The following PKNOX2 variants were observed in gnomAD, a reference collection of about 807,000 sequenced individuals.
PKNOX2 encodes PBX/knotted 1 homeobox 2.
A neutral mutation model predicts 53.1 loss-of-function variants in PKNOX2; 14 were observed. The ratio of observed to expected loss-of-function variants is 0.26; its 90% CI spans 0.17 to 0.41. The LOEUF is 0.41. Ranked by LOEUF, PKNOX2 falls within the 10% of genes least tolerant of loss-of-function variation. The pLI is 1.00. For missense variants in PKNOX2, 496 were observed against 602.8 expected (o/e 0.82, Z 1.85); for synonymous variants, 257 against 242.8 (o/e 1.06, Z -0.54).
intron 4 of PKNOX2, among the ~76,000 whole-genome samples, 185 bp downstream of exon 4, chr11:125,351,577 C>A (rs1457313182): frequency 1.3e-5 from 2 of 152,138 alleles, no homozygotes; most frequent in Non-Finnish European, 2.9e-5. Flanking sequence ...CAAACACAGA[C>A]CCCGAGGGCA....
intron 10 of PKNOX2, among the ~76,000 whole-genome samples, chr11:125,419,329 G>C (rs561178054): frequency 6.6e-6 from 1 of 151,612 alleles, no homozygotes; most frequent in African/African-American, 2.4e-5. Flanking sequence ...CACCGCTACT[G>C]CTACAAATGC....
At chr11:125,423,962 CAG>C (rs1956289173) in intron 10 of PKNOX2, among the ~76,000 whole-genome samples, 1 of 152,182 alleles carries the variant, frequency 6.6e-6, no homozygotes, top group Non-Finnish European at 1.5e-5. Flanking sequence ...TACAGTTAAA[CAG>C]AGCCAGCATG....
chr11:125,377,405 A>G (rs1367433504), intron 5 of PKNOX2, among the ~76,000 whole-genome samples: 2 of 152,340 alleles, frequency 1.3e-5, no homozygotes, highest in Middle Eastern at 3.4e-3. Flanking sequence ...CACAGAAGGC[A>G]TGTTGGCCTG....
At chr11:125,334,446 G>T (rs779072790) in intron 3 of PKNOX2, among the ~76,000 whole-genome samples, 2 of 152,192 alleles carry the variant, frequency 1.3e-5, no homozygotes, top group Non-Finnish European at 2.9e-5. Context: ...CCTCTTCTCA[G>T]TTGGTGAACA....
chr11:125,250,173 C>T (rs1943890393), intron 2 of PKNOX2, among the ~76,000 whole-genome samples: 2 of 151,884 alleles, frequency 1.3e-5, no homozygotes, highest in African/African-American at 4.8e-5. Context: ...ACCTCAACCT[C>T]CTGAGTAGCT....
intron 1 of PKNOX2, among the ~76,000 whole-genome samples, chr11:125,178,242 T>G (rs1408882188): frequency 2.0e-5 from 3 of 151,292 alleles, no homozygotes; most frequent in Admixed American, 6.6e-5. Context: ...GGGCACGTGG[T>G]GGCTTATGCC....
At chr11:125,411,667 G>A (rs1955558519) in intron 9 of PKNOX2, 79 bp from the exon 10 acceptor site, 2 of 1,608,158 alleles carry the variant, frequency 1.2e-6, no homozygotes, top group Admixed American at 1.7e-5. Flanking sequence ...AGCCAAGCCT[G>A]CCGTCGCTAT....
At chr11:125,281,492 C>T (rs780734842) in intron 2 of PKNOX2, among the ~76,000 whole-genome samples, 121 of 152,178 alleles carry the variant, frequency 8.0e-4, no homozygotes, top group Non-Finnish European at 1.9e-4. Flanking sequence ...CTGGCTGCCA[C>T]TTACCCGTTG....
chr11:125,217,249 C>T (rs576041554), intron 1 of PKNOX2, among the ~76,000 whole-genome samples: 1 of 152,316 alleles, frequency 6.6e-6, no homozygotes, highest in Admixed American at 6.5e-5. Flanking sequence ...CTGGATCTCT[C>T]TCCTTCCACA....
chr11:125,273,330 C>T (rs960152241), intron 2 of PKNOX2, among the ~76,000 whole-genome samples: 2 of 152,058 alleles, frequency 1.3e-5, no homozygotes, highest in African/African-American at 4.8e-5. Context: ...AAAAGGCAGG[C>T]GGCAAAACAA....
rs146172401 is a variant in PKNOX2, at chr11:125,341,080, G to A, written c.-23+9155G>A. 1.5e-3 allele frequency among the ~76,000 whole-genome samples: 218 copies of A among 146,688 alleles called. 2 individuals carry two copies. The East Asian group carries it at 0.029, about 19-fold the overall frequency. On this transcript the variant is annotated intron_variant, in intron 3 of 12. Coordinates refer to ENST00000298282, the MANE Select transcript of PKNOX2 (RefSeq NM_001382323.2). Reference sequence around the variant, plus strand: ...AAAAAAAAAAAAAAAAAAGTAAGCCGGCCAGGCACAGTGACTAATGTCTAT... The same window carrying A: ...AAAAAAAAAAAAAAAAAAGTAAGCCAGCCAGGCACAGTGACTAATGTCTAT...
chr11:125,392,884 C>T (rs576995703), intron 6 of PKNOX2, among the ~76,000 whole-genome samples: 2 of 152,070 alleles, frequency 1.3e-5, no homozygotes, highest in East Asian at 1.9e-4. Context: ...TTTGGCCGGG[C>T]GCGGTGGCTC....
chr11:125,399,922 A>T (rs1178002745), intron 7 of PKNOX2, among the ~76,000 whole-genome samples: 1 of 152,242 alleles, frequency 6.6e-6, no homozygotes, highest in African/African-American at 2.4e-5. Flanking sequence ...TGGGGTTTGC[A>T]GAAAAGGATA....
chr11:125,309,144 T>C (rs1237057621), intron 2 of PKNOX2, among the ~76,000 whole-genome samples: 39 of 149,416 alleles, frequency 2.6e-4, no homozygotes, highest in African/African-American at 9.2e-4. Flanking sequence ...TCTTTCTTTC[T>C]TTCTTTCTTT....
intron 5 of PKNOX2, among the ~76,000 whole-genome samples, chr11:125,384,052 A>T (rs1286623492): frequency 6.6e-6 from 1 of 152,240 alleles, no homozygotes; most frequent in Non-Finnish European, 1.5e-5. Context: ...GTGGAAGGGA[A>T]TGGGACTCTC....
chr11:125,418,843 A>G (rs1023628370), intron 10 of PKNOX2, among the ~76,000 whole-genome samples: 2 of 151,970 alleles, frequency 1.3e-5, no homozygotes, highest in Non-Finnish European at 2.9e-5. Context: ...CCTAAACAAC[A>G]CAGTATAATA....
chr11:125,360,972 G>A (rs761085154), intron 4 of PKNOX2, among the ~76,000 whole-genome samples: 42 of 152,200 alleles, frequency 2.8e-4, no homozygotes, highest in Non-Finnish European at 6.0e-4. Context: ...AGCGTGCTCT[G>A]TCCCATTGTT....
At chr11:125,314,239 C>A (rs1490712720) in intron 2 of PKNOX2, among the ~76,000 whole-genome samples, 1 of 152,034 alleles carries the variant, frequency 6.6e-6, no homozygotes, top group Non-Finnish European at 1.5e-5. Context: ...AAGAGAGGCA[C>A]CTGGGGGATT....
chr11:125,385,774 C>T, intron 6 of PKNOX2, 52 bp downstream of exon 6: 5 of 1,563,286 alleles, frequency 3.2e-6, no homozygotes, highest in African/African-American at 2.8e-5. Flanking sequence ...CCCTCTGACC[C>T]CCTTCAAAAT....
Sources: allele counts gnomAD v4.1 joint callset (sites outside exome capture counted in the v4.1 genomes callset), GRCh38; gene constraint gnomAD v4.1.1; transcripts MANE v1.5; gene names NCBI Gene and HGNC (gene_info 2026-07-23, HGNC 2026-07-21).